The following SAMTOR variants were observed in gnomAD, a reference collection of about 807,000 sequenced individuals.
SAMTOR encodes the protein S-adenosylmethionine sensor upstream of mTORC1, also known as UPF0532 protein C7orf60.
the SAMTOR span, among the ~76,000 whole-genome samples, chr7:112,887,415 G>A: frequency 6.6e-6 from 1 of 151,990 alleles, no homozygotes; most frequent in East Asian, 1.9e-4. Context: ...TTGGAAATGG[G>A]AAAACTGGTT....
At chr7:112,927,372 T>C in the SAMTOR span, among the ~76,000 whole-genome samples, 1 of 152,066 alleles carries the variant, frequency 6.6e-6, no homozygotes, top group Non-Finnish European at 1.5e-5. Context: ...TAGAACTTCT[T>C]GAAGTTTGCA....
At chr7:112,821,707 T>G in the SAMTOR span, 2 of 1,536,998 alleles carry the variant, frequency 1.3e-6, no homozygotes, top group Non-Finnish European at 1.7e-6. Context: ...GCAATTAGTT[T>G]AGGAGCCTGG....
the SAMTOR span, among the ~76,000 whole-genome samples, chr7:112,885,144 C>T: frequency 3.4e-5 from 5 of 147,430 alleles, no homozygotes; most frequent in African/African-American, 5.1e-5. Flanking sequence ...TGCAGGGCAC[C>T]ATGTCTCAAG....
the SAMTOR span, among the ~76,000 whole-genome samples, chr7:112,869,027 C>A: frequency 1.3e-5 from 2 of 152,144 alleles, no homozygotes; most frequent in African/African-American, 4.8e-5. Context: ...GGAGATTTAA[C>A]CTTCAGTGTG....
At chr7:112,882,098 G>A in the SAMTOR span, among the ~76,000 whole-genome samples, 5 of 152,302 alleles carry the variant, frequency 3.3e-5, no homozygotes, top group Non-Finnish European at 7.4e-5. Context: ...GCTGCTTGTG[G>A]TACACTGGAT....
At chr7:112,922,419 C>T in the SAMTOR span, among the ~76,000 whole-genome samples, 40 of 151,470 alleles carry the variant, frequency 2.6e-4, no homozygotes, top group Non-Finnish European at 5.3e-4. Context: ...GGCCGCCCAT[C>T]GTCTGGGATG....
the SAMTOR span, among the ~76,000 whole-genome samples, chr7:112,928,007 T>C: frequency 4.6e-5 from 7 of 151,918 alleles, no homozygotes. Context: ...ATGTCACAAC[T>C]AAAAAATAAA....
At chr7:112,934,226 G>A in the SAMTOR span, among the ~76,000 whole-genome samples, 1 of 152,076 alleles carries the variant, frequency 6.6e-6, no homozygotes, top group Non-Finnish European at 1.5e-5. Flanking sequence ...AACTACTGGT[G>A]TGTTCCAAGG....
the SAMTOR span, among the ~76,000 whole-genome samples, chr7:112,874,690 C>G: frequency 6.6e-6 from 1 of 151,996 alleles, no homozygotes; most frequent in Non-Finnish European, 1.5e-5. Flanking sequence ...TAAACTTAGC[C>G]ATCTGTAACT....
chr7:112,932,058 T>C, the SAMTOR span, among the ~76,000 whole-genome samples: 1 of 152,040 alleles, frequency 6.6e-6, no homozygotes, highest in Non-Finnish European at 1.5e-5. Flanking sequence ...CACAAGTAGC[T>C]GGGACTACAG....
the SAMTOR span, among the ~76,000 whole-genome samples, chr7:112,850,117 C>G: frequency 6.6e-6 from 1 of 152,080 alleles, no homozygotes; most frequent in African/African-American, 2.4e-5. Flanking sequence ...GAGGGAATCG[C>G]TTGGACCCGG....
At chr7:112,870,941 C>T in the SAMTOR span, among the ~76,000 whole-genome samples, 1,358 of 152,042 alleles carry the variant, frequency 8.9e-3, 23 homozygotes, top group African/African-American at 0.031. Flanking sequence ...GAGAAGGGCA[C>T]TACATAATGA....
the SAMTOR span, among the ~76,000 whole-genome samples, chr7:112,886,971 C>T: frequency 0.023 from 3,494 of 152,130 alleles, 69 homozygotes; most frequent in Admixed American, 0.042. Context: ...CAAGACCAGC[C>T]TGGGCCAACA....
At chr7:112,873,083 A>T in the SAMTOR span, among the ~76,000 whole-genome samples, 6 of 152,260 alleles carry the variant, frequency 3.9e-5, no homozygotes, top group South Asian at 1.2e-3. Flanking sequence ...AAACAAATGG[A>T]AAAACATCCC....
the SAMTOR span, among the ~76,000 whole-genome samples, chr7:112,913,152 A>T: frequency 6.6e-6 from 1 of 152,194 alleles, no homozygotes. Flanking sequence ...TCTCTCTAGA[A>T]ATGCAAATAA....
chr7:112,936,723 T>C, the SAMTOR span, among the ~76,000 whole-genome samples: 2 of 152,290 alleles, frequency 1.3e-5, no homozygotes, highest in African/African-American at 4.8e-5. Context: ...TCAATGGCTG[T>C]TTTGCCTCCT....
chr7:112,824,688 G>GTA, the SAMTOR span, among the ~76,000 whole-genome samples: 1 of 152,012 alleles, frequency 6.6e-6, no homozygotes, highest in Non-Finnish European at 1.5e-5. Context: ...ATGGAGTGTG[G>GTA]TATGGTTTGA....
chr7:112,871,710 A>G, the SAMTOR span, among the ~76,000 whole-genome samples: 2 of 152,238 alleles, frequency 1.3e-5, no homozygotes, highest in African/African-American at 2.4e-5. Context: ...ACAAATGATC[A>G]ATGTTAATAG....
the SAMTOR span, among the ~76,000 whole-genome samples, chr7:112,839,833 A>G: frequency 0.042 from 6,420 of 151,872 alleles, 360 homozygotes; most frequent in African/African-American, 0.12. Flanking sequence ...CAAATTAAAA[A>G]TTGTTATATT....
Sources: gnomAD v4.1 joint callset for allele counts (sites outside exome capture counted in the v4.1 genomes callset) on GRCh38, gnomAD v4.1.1 for gene constraint, MANE v1.5 for transcripts, NCBI Gene and HGNC (gene_info 2026-07-23, HGNC 2026-07-21) for gene names.